STK32B: variants seen among roughly 807,000 people sequenced by gnomAD.
STK32B encodes serine/threonine kinase 32B, also known as serine/threonine-protein kinase 32B.
In STK32B, 43 loss-of-function variants were observed where a neutral mutation model predicts 52.6. That is an observed-to-expected ratio of 0.82 (90% confidence interval 0.64 to 1.05). The LOEUF (loss-of-function observed/expected upper bound fraction) is 1.05. STK32B is among the 50% of genes least tolerant of loss of function. The probability of loss-of-function intolerance (pLI) is 0.00; values close to 1 mark genes in which losing one functional copy is unlikely to be tolerated. For synonymous variants in STK32B, 238 were observed against 204.3 expected, an observed-to-expected ratio of 1.17 and a Z score of -1.41; for missense variants, 621 against 534.6, an observed-to-expected ratio of 1.16 and a Z score of -1.59.
chr4:5,056,109 T>G (rs1371737663), intron 1 of STK32B, among the ~76,000 whole-genome samples: 1 of 152,042 alleles, frequency 6.6e-6, no homozygotes, highest in Non-Finnish European at 1.5e-5. Context: ...CCGCATTAGG[T>G]TCTCATGGGA....
In STK32B at chr4:5,160,627, T is replaced by C. The variant is rs1171180967; in HGVS notation, c.109-7672T>C. Among the ~76,000 whole-genome samples the C allele has an allele frequency of 7.2e-5, 11 of 152,354 alleles. No individual in the cohort carries two copies. The South Asian group carries it at 2.3e-3, about 32-fold the overall frequency. On this transcript the variant is annotated intron_variant, in intron 2 of 11. Transcript: ENST00000282908. ...ATGTGCTCACCTCTCCCGTGTGTTT[T>C]CTAAATAGTAATGACTCATTCATTC...
intron 4 of STK32B, among the ~76,000 whole-genome samples, chr4:5,369,778 C>T (rs1464816246): frequency 6.6e-6 from 1 of 152,138 alleles, no homozygotes; most frequent in East Asian, 1.9e-4. Context: ...GGCCAGGCAA[C>T]ATGAGGATTT....
chr4:5,326,691 C>G (rs776821228), intron 3 of STK32B, among the ~76,000 whole-genome samples: 3 of 152,198 alleles, frequency 2.0e-5, no homozygotes, highest in Non-Finnish European at 4.4e-5. Flanking sequence ...AGCCTTCTTT[C>G]AACAAGTCAC....
chr4:5,468,039 C>T lies in STK32B; in HGVS notation c.1075C>T (p.Arg359Trp), dbSNP rs761076752. Residue 359 changes from arginine to tryptophan, a missense_variant, in exon 11 of 12, where the codon CGG becomes TGG. By Grantham distance (101) the Arg-to-Trp change is moderately radical (BLOSUM62 -3). Coordinates refer to ENST00000282908, the MANE Select transcript of STK32B (RefSeq NM_018401.3). ...CCTGCAGCACTGTTTGGAGACTGTC[C>T]GGGAGGAATTCATCATATTCAACAG... ...GHLQHCLETV[R>W]EEFIIFNREK... The T allele has an allele frequency of 6.8e-6, 11 of 1,614,080 alleles. No homozygotes were observed. The highest frequency in any genetic ancestry group is 2.2e-5 in the East Asian group (1 of 44,870).
intron 11 of STK32B, among the ~76,000 whole-genome samples, chr4:5,491,695 G>A (rs1414161396): frequency 2.0e-5 from 3 of 151,928 alleles, no homozygotes; most frequent in African/African-American, 7.3e-5. Context: ...TTTCTTCTAG[G>A]GTTTTTATGG....
rs1210572567 is a variant in STK32B at position 5,416,834 on chromosome 4, T to C, written c.473-11T>C. The C allele has an allele frequency of 6.2e-7, 1 of 1,612,432 alleles. No individual in the cohort carries two copies. Among genetic ancestry groups the C allele is most frequent in the Non-Finnish European group, 8.5e-7 (1 of 1,179,312 alleles). ...CCACGCTAACTGGAGTTTCTGTTTC[T>C]GTATTTGCAGGACATGTTCACATTA... On this transcript the variant is annotated splice_polypyrimidine_tract_variant and intron_variant, in intron 5 of 11. Transcript: ENST00000282908.
intron 3 of STK32B, among the ~76,000 whole-genome samples, chr4:5,317,330 AC>A: frequency 2.7e-5 from 2 of 74,486 alleles, no homozygotes; most frequent in African/African-American, 2.6e-4. Context: ...AATATATATT[AC>A]ATATATAATA....
intron 3 of STK32B, among the ~76,000 whole-genome samples, chr4:5,196,204 GCACA>G (rs1721640243): frequency 1.4e-4 from 22 of 152,134 alleles, no homozygotes; most frequent in Admixed American, 1.4e-3. Flanking sequence ...CTCATGGGTA[GCACA>G]GGTGGTGCAC....
At chr4:5,141,349 G>C (rs1716438024) in intron 2 of STK32B, among the ~76,000 whole-genome samples, 1 of 152,222 alleles carries the variant, frequency 6.6e-6, no homozygotes, top group African/African-American at 2.4e-5. Context: ...CAGGCAGAGG[G>C]AACTTCAAGT....
chr4:5,445,184 T>C (rs555974846), intron 6 of STK32B, among the ~76,000 whole-genome samples: 12 of 152,138 alleles, frequency 7.9e-5, no homozygotes, highest in African/African-American at 2.9e-4. Flanking sequence ...ACTTAGAAAA[T>C]GTGAAGCAAA....
intron 1 of STK32B, among the ~76,000 whole-genome samples, chr4:5,117,127 A>G (rs1341178624): frequency 6.6e-6 from 1 of 152,160 alleles, no homozygotes; most frequent in South Asian, 2.1e-4. Flanking sequence ...ATTTGAATGC[A>G]TTTTCTTTTT....
At chr4:5,179,055 T>A (rs779123479) in intron 3 of STK32B, among the ~76,000 whole-genome samples, 1 of 152,192 alleles carries the variant, frequency 6.6e-6, no homozygotes, top group Non-Finnish European at 1.5e-5. Context: ...ACTGGATAAT[T>A]TATAAAGACA....
intron 11 of STK32B, among the ~76,000 whole-genome samples, chr4:5,484,026 A>T (rs1319953596): frequency 6.6e-6 from 1 of 152,022 alleles, no homozygotes; most frequent in Admixed American, 6.6e-5. Context: ...TCAATTTTGG[A>T]ATAGGTGTGG....
chr4:5,247,883 A>T (rs1365838245), intron 3 of STK32B, among the ~76,000 whole-genome samples: 1 of 152,008 alleles, frequency 6.6e-6, no homozygotes, highest in East Asian at 1.9e-4. Flanking sequence ...TTACAGTCTC[A>T]GTTGCAGCTT....
At chr4:5,368,589 C>T (rs952430679) in intron 4 of STK32B, among the ~76,000 whole-genome samples, 1 of 152,192 alleles carries the variant, frequency 6.6e-6, no homozygotes, top group African/African-American at 2.4e-5. Context: ...CTGCAATGTG[C>T]CCAAGGTCAT....
intron 8 of STK32B, 126 bp from the exon 9 acceptor site, chr4:5,459,977 G>A: frequency 1.4e-6 from 2 of 1,402,606 alleles, no homozygotes; most frequent in Non-Finnish European, 2.0e-6. Context: ...ACCCAGACGG[G>A]GCACAACATC....
intron 4 of STK32B, among the ~76,000 whole-genome samples, chr4:5,354,466 A>G (rs1478686045): frequency 6.6e-6 from 1 of 152,170 alleles, no homozygotes; most frequent in East Asian, 1.9e-4. Flanking sequence ...AGGTTTTGCC[A>G]TGTTGGCCAG....
intron 3 of STK32B, among the ~76,000 whole-genome samples, chr4:5,171,559 T>C (rs1719375954): frequency 6.6e-6 from 1 of 152,204 alleles, no homozygotes; most frequent in Non-Finnish European, 1.5e-5. Context: ...ATTTATTAAG[T>C]AGGGAATCCT....
chr4:5,234,305 G>A (rs1724479536), intron 3 of STK32B, among the ~76,000 whole-genome samples: 1 of 152,186 alleles, frequency 6.6e-6, no homozygotes, highest in Non-Finnish European at 1.5e-5. Flanking sequence ...AATTATGTCT[G>A]AAATGAGCTA....
Sources: allele counts gnomAD v4.1 joint callset (sites outside exome capture counted in the v4.1 genomes callset), GRCh38; gene constraint gnomAD v4.1.1; transcripts MANE v1.5; gene names NCBI Gene and HGNC (gene_info 2026-07-23, HGNC 2026-07-21).